OR2L13: variants seen among roughly 807,000 people sequenced by gnomAD.
OR2L13 encodes the protein olfactory receptor family 2 subfamily L member 13.
OR2L13 carries 14 observed loss-of-function variants against 15.3 expected under a neutral mutation model. The ratio of observed to expected loss-of-function variants is 0.91; its 90% CI spans 0.60 to 1.43. OR2L13 has a LOEUF of 1.43. Ranked by LOEUF, OR2L13 falls within the 40% of genes most tolerant of loss-of-function variation. OR2L13 has a pLI of 0.00. For synonymous variants in OR2L13, 152 were observed against 142.9 expected, an observed-to-expected ratio of 1.06 and a Z score of -0.45; for missense variants, 367 against 387.9, an observed-to-expected ratio of 0.95 and a Z score of 0.45.
the OR2L13 span, among the ~76,000 whole-genome samples, chr1:248,085,660 G>C: frequency 3.3e-5 from 5 of 152,012 alleles, no homozygotes; most frequent in Admixed American, 2.6e-4. Context: ...AATCATTTCT[G>C]TCATTTTACA....
the OR2L13 span, among the ~76,000 whole-genome samples, chr1:247,970,120 A>T: frequency 6.6e-6 from 1 of 152,166 alleles, no homozygotes; most frequent in Non-Finnish European, 1.5e-5. Context: ...TATTTCCAAA[A>T]TTATTTCCAT....
the OR2L13 span, among the ~76,000 whole-genome samples, chr1:248,050,499 T>C: frequency 6.6e-6 from 1 of 151,986 alleles, no homozygotes; most frequent in African/African-American, 2.4e-5. Flanking sequence ...TAATAGGACA[T>C]TAGAATATTA....
the OR2L13 span, among the ~76,000 whole-genome samples, chr1:247,969,634 G>A: frequency 1.1e-4 from 16 of 152,110 alleles, no homozygotes; most frequent in African/African-American, 2.9e-4. Context: ...AGCAAAACAG[G>A]CCATTTTCTG....
the OR2L13 span, among the ~76,000 whole-genome samples, chr1:247,978,874 G>C: frequency 6.6e-6 from 1 of 151,982 alleles, no homozygotes; most frequent in Admixed American, 6.5e-5. Flanking sequence ...CCACAGTCTT[G>C]GTGGTCCCCT....
the OR2L13 span, among the ~76,000 whole-genome samples, chr1:247,942,974 T>C: frequency 1.3e-5 from 2 of 152,116 alleles, 1 homozygote; most frequent in African/African-American, 4.8e-5. Context: ...ATTCATACAA[T>C]ATTTGTCTTT....
the OR2L13 span, among the ~76,000 whole-genome samples, chr1:248,064,046 G>A: frequency 1.3e-5 from 2 of 152,196 alleles, no homozygotes; most frequent in African/African-American, 4.8e-5. Flanking sequence ...ATAGGTCCAC[G>A]AAGCCAGTCC....
chr1:248,061,673 G>T, the OR2L13 span: 2 of 1,427,834 alleles, frequency 1.4e-6, no homozygotes, highest in East Asian at 4.6e-5. Flanking sequence ...ATCCAGCAGT[G>T]TATAGTAATT....
chr1:248,031,158 G>C, the OR2L13 span, among the ~76,000 whole-genome samples: 1 of 152,142 alleles, frequency 6.6e-6, no homozygotes, highest in Non-Finnish European at 1.5e-5. Context: ...TACTGAAACA[G>C]ATGTATAATA....
At chr1:247,939,933 A>T in the OR2L13 span, among the ~76,000 whole-genome samples, 5 of 152,198 alleles carry the variant, frequency 3.3e-5, no homozygotes, top group African/African-American at 1.2e-4. Flanking sequence ...TTACATTTGA[A>T]ATACAATCAA....
chr1:247,959,176 G>C, the OR2L13 span, among the ~76,000 whole-genome samples: 1 of 152,014 alleles, frequency 6.6e-6, no homozygotes, highest in East Asian at 1.9e-4. Flanking sequence ...TGTCTGTAAA[G>C]TATTTTATTT....
the OR2L13 span, chr1:248,041,235 C>A: frequency 2.0e-5 from 3 of 152,024 alleles, no homozygotes; most frequent in Non-Finnish European, 4.4e-5. Flanking sequence ...CTTTGACAAA[C>A]CTGAGAAAAA....
chr1:248,079,845 A>C, the OR2L13 span, among the ~76,000 whole-genome samples: 2 of 152,318 alleles, frequency 1.3e-5, no homozygotes, highest in Middle Eastern at 3.4e-3. Flanking sequence ...CAAAAGAAAA[A>C]CCACAAAATA....
At chr1:247,985,265 C>T in the OR2L13 span, among the ~76,000 whole-genome samples, 1 of 152,096 alleles carries the variant, frequency 6.6e-6, no homozygotes, top group African/African-American at 2.4e-5. Context: ...CCCCTACCCC[C>T]TACCCCACAA....
chr1:248,030,702 C>T, the OR2L13 span, among the ~76,000 whole-genome samples: 18 of 152,034 alleles, frequency 1.2e-4, no homozygotes, highest in South Asian at 2.7e-3. Flanking sequence ...TAGAGAAGTT[C>T]GCTTACAAAC....
At chr1:247,976,288 G>A in the OR2L13 span, among the ~76,000 whole-genome samples, 2 of 152,014 alleles carry the variant, frequency 1.3e-5, no homozygotes, top group East Asian at 1.9e-4. Flanking sequence ...GGTTGCCACC[G>A]GTATTCTCAT....
At chr1:248,034,744 A>G in the OR2L13 span, among the ~76,000 whole-genome samples, 1 of 152,120 alleles carries the variant, frequency 6.6e-6, no homozygotes. Flanking sequence ...TACTATTGTA[A>G]ATAAAATCAC....
chr1:248,099,811 G>A (rs371488013), exon 3 of OR2L13: 2 of 1,613,980 alleles, frequency 1.2e-6, no homozygotes, highest in African/African-American at 2.7e-5. Flanking sequence ...GATGATTGGA[G>A]GCTCTTGGAC....
At chr1:248,100,233 C>G in exon 3 of OR2L13, 1 of 1,613,302 alleles carries the variant, frequency 6.2e-7, no homozygotes, top group Non-Finnish European at 8.5e-7. Context: ...TGCTCAATCC[C>G]ATTATCTACA....
the OR2L13 span, among the ~76,000 whole-genome samples, chr1:248,018,794 T>C: frequency 1.3e-5 from 2 of 152,200 alleles, no homozygotes; most frequent in Admixed American, 6.5e-5. Context: ...CTCCACACAA[T>C]TATTCTCCTT....
Sources: allele counts gnomAD v4.1 joint callset (sites outside exome capture counted in the v4.1 genomes callset), GRCh38; gene constraint gnomAD v4.1.1; transcripts MANE v1.5; gene names NCBI Gene and HGNC (gene_info 2026-07-23, HGNC 2026-07-21).